PPP2R5A: variants seen among roughly 807,000 people sequenced by gnomAD.
PPP2R5A encodes the protein protein phosphatase 2 regulatory subunit B'alpha.
PPP2R5A carries 25 observed loss-of-function variants against 64.2 expected under a neutral mutation model. The ratio of observed to expected loss-of-function variants is 0.39; its 90% confidence interval spans 0.28 to 0.54. The LOEUF (loss-of-function observed/expected upper bound fraction) is 0.54. PPP2R5A is among the 20% of genes least tolerant of loss of function. PPP2R5A has a pLI of 0.67. For missense variants in PPP2R5A, 425 were observed against 576.3 expected (o/e 0.74, Z 2.69); for synonymous variants, 198 against 201.2 (o/e 0.98, Z 0.13).
At chr1:212,296,264 A>G (rs982171189) in intron 1 of PPP2R5A, among the ~76,000 whole-genome samples, 4 of 152,046 alleles carry the variant, frequency 2.6e-5, no homozygotes, top group Admixed American at 1.3e-4. Context: ...CCAGAGTTGT[A>G]TTTTGGAAAT....
At chr1:212,320,885 G>T (rs1440160521) in intron 1 of PPP2R5A, among the ~76,000 whole-genome samples, 9 of 137,220 alleles carry the variant, frequency 6.6e-5, no homozygotes, top group Admixed American at 1.4e-4. Flanking sequence ...AGTAGGGGCG[G>T]CCAGGTAGAG....
In PPP2R5A at chr1:212,334,298, CT is replaced by C. The variant is rs563092022; in HGVS notation, c.480+709del. On this transcript the variant is annotated intron_variant, in intron 3 of 12. Transcript: ENST00000261461. ...ATACATTATGTTTTTCTTTTCTTTC[CT>C]TTTTTTTTGAGATGGGGTCTGGTTC... 2.7e-5 allele frequency among the ~76,000 whole-genome samples: 4 copies of C among 150,360 alleles called. No individual in the cohort carries two copies. The East Asian group carries it at 5.8e-4, about 22-fold the overall frequency.
intron 1 of PPP2R5A, among the ~76,000 whole-genome samples, chr1:212,326,407 A>G (rs1214647698): frequency 1.3e-5 from 2 of 152,082 alleles, no homozygotes; most frequent in Non-Finnish European, 2.9e-5. Context: ...CAGGCTGGCC[A>G]ACATGGTGAA....
At chr1:212,343,353 T>C (rs1659719633) in intron 4 of PPP2R5A, among the ~76,000 whole-genome samples, 1 of 152,204 alleles carries the variant, frequency 6.6e-6, no homozygotes, top group African/African-American at 2.4e-5. Flanking sequence ...TGCAGGCCTC[T>C]TTAGGAATTT....
intron 11 of PPP2R5A, 108 bp from the exon 12 acceptor site, chr1:212,358,578 T>C (rs962668826): frequency 1.6e-5 from 12 of 731,572 alleles, no homozygotes; most frequent in African/African-American, 1.3e-4. Flanking sequence ...ATCTCTAAAA[T>C]GGATTAAATG....
At chr1:212,321,109 A>G (rs1571591269) in intron 1 of PPP2R5A, among the ~76,000 whole-genome samples, 2 of 122,462 alleles carry the variant, frequency 1.6e-5, no homozygotes, top group African/African-American at 3.2e-5. Flanking sequence ...CTGGCCGGGC[A>G]GAGGGGCTCC....
At chr1:212,342,129 T>TTA in intron 3 of PPP2R5A, 59 bp from the exon 4 acceptor site, 1 of 1,559,862 alleles carries the variant, frequency 6.4e-7, no homozygotes, top group South Asian at 1.2e-5. Flanking sequence ...TATGAAGTGA[T>TTA]TATTTAGGGT....
chr1:212,355,226 G>A (rs792440), intron 8 of PPP2R5A, among the ~76,000 whole-genome samples: 124,101 of 151,966 alleles, frequency 0.82, 51,140 homozygotes, highest in African/African-American at 0.94. Context: ...TTTTATATAT[G>A]TATTTTTTAA....
chr1:212,319,281 G>T (rs1659216121), intron 1 of PPP2R5A: 1 of 152,206 alleles, frequency 6.6e-6, no homozygotes, highest in Non-Finnish European at 1.5e-5. Context: ...ATAAGGTGTT[G>T]TGAATTTTTC....
chr1:212,316,361 T>A (rs1237856965), intron 1 of PPP2R5A, among the ~76,000 whole-genome samples: 1 of 152,130 alleles, frequency 6.6e-6, no homozygotes, highest in Non-Finnish European at 1.5e-5. Context: ...TGGAGAAAGT[T>A]TGAGTGGTCT....
intron 1 of PPP2R5A, among the ~76,000 whole-genome samples, chr1:212,309,782 A>G (rs1019929228): frequency 7.9e-5 from 12 of 152,168 alleles, no homozygotes; most frequent in African/African-American, 2.9e-4. Context: ...CTTGGGCCAC[A>G]CATAAAATAC....
rs1047328029 is a variant in PPP2R5A at position 212,286,032 on chromosome 1, C to T, written c.-79C>T. Reference sequence around the variant, plus strand: ...GGCGCGAGCACCCCGCGCCTCTCCCCCGCCTCCTCCTGCCGTCTCCGCCGC... The same window carrying T: ...GGCGCGAGCACCCCGCGCCTCTCCCTCGCCTCCTCCTGCCGTCTCCGCCGC... On this transcript the variant is annotated 5_prime_UTR_variant, in exon 1 of 13. Transcript: ENST00000261461. The T allele has an allele frequency of 4.3e-6, 6 of 1,390,618 alleles. No individual in the cohort carries two copies. In the African/African-American group the frequency reaches 6.1e-5, roughly 14 times the overall value. The allele number at this position is 1,390,618 out of a possible 1,614,324, so 86.1% of individuals were successfully genotyped here. A position where few individuals can be genotyped will look rare whatever the true frequency, so the allele number is the denominator to read the frequency against.
rs1432235404 is a variant in PPP2R5A at position 212,309,617 on chromosome 1, A to T, written c.182-19518A>T. ...TCATATATTCTGTTAAATCCAACATACGGTCACTCTCACAGGCAGGTTCTA... is the reference window on the plus strand; with the variant it reads ...TCATATATTCTGTTAAATCCAACATTCGGTCACTCTCACAGGCAGGTTCTA... On this transcript the variant is annotated intron_variant, in intron 1 of 12. Coordinates refer to ENST00000261461, the MANE Select transcript of PPP2R5A (RefSeq NM_006243.4). The T allele has an allele frequency of 1.2e-5, 7 of 589,688 alleles. No homozygotes were observed. In the East Asian group the frequency reaches 1.7e-4, roughly 15 times the overall value. 36.5% of individuals were successfully genotyped at this position (589,688 alleles called of 1,614,324 possible).
chr1:212,347,131 G>A (rs1316062898), intron 5 of PPP2R5A, among the ~76,000 whole-genome samples: 2 of 152,144 alleles, frequency 1.3e-5, no homozygotes, highest in African/African-American at 4.8e-5. Context: ...CATATGGCGA[G>A]TTTTGGCAAA....
intron 1 of PPP2R5A, among the ~76,000 whole-genome samples, chr1:212,315,697 T>C (rs1659137766): frequency 6.6e-6 from 1 of 152,188 alleles, no homozygotes; most frequent in Admixed American, 6.5e-5. Context: ...GAAGTATACA[T>C]ACAAGTACAT....
intron 2 of PPP2R5A, among the ~76,000 whole-genome samples, chr1:212,330,547 CAA>C: frequency 6.8e-6 from 1 of 146,262 alleles, no homozygotes; most frequent in Admixed American, 6.8e-5. Flanking sequence ...CACCTTGTCT[CAA>C]AAAAAAAAAA....
chr1:212,339,429 A>C (rs1051920285), intron 3 of PPP2R5A, among the ~76,000 whole-genome samples: 5 of 152,108 alleles, frequency 3.3e-5, no homozygotes, highest in Non-Finnish European at 5.9e-5. Flanking sequence ...CACCCGCCTC[A>C]GGCTCCCAAA....
chr1:212,318,223 G>A (rs1028851018), intron 1 of PPP2R5A, among the ~76,000 whole-genome samples: 1 of 151,930 alleles, frequency 6.6e-6, no homozygotes, highest in African/African-American at 2.4e-5. Flanking sequence ...AGTTTAAAAT[G>A]TGCTTTAAAA....
chr1:212,293,049 A>T (rs1658631017), intron 1 of PPP2R5A, among the ~76,000 whole-genome samples: 1 of 152,212 alleles, frequency 6.6e-6, no homozygotes, highest in East Asian at 1.9e-4. Flanking sequence ...TGGCTTCAGG[A>T]TGCTAAAAGC....
Sources: allele counts gnomAD v4.1 joint callset (sites outside exome capture counted in the v4.1 genomes callset), GRCh38; gene constraint gnomAD v4.1.1; transcripts MANE v1.5; gene names NCBI Gene and HGNC (gene_info 2026-07-23, HGNC 2026-07-21).